DCLK1: variants seen among roughly 807,000 people sequenced by gnomAD.
DCLK1 encodes the protein serine/threonine-protein kinase DCLK1.
In DCLK1, 16 loss-of-function variants were observed where a neutral mutation model predicts 86.2. The ratio of observed to expected loss-of-function variants is 0.19; its 90% CI spans 0.13 to 0.28. DCLK1 has a LOEUF of 0.28. Among genes scored for constraint, DCLK1 ranks in the 10% least tolerant of loss-of-function variants. DCLK1 has a pLI of 1.00. For missense variants in DCLK1, 590 were observed against 940.2 expected (o/e 0.63, Z 4.87); for synonymous variants, 369 against 370.5 (o/e 1.00, Z 0.05).
chr13:35,788,655 A>T (rs775391303), intron 16 of DCLK1, among the ~76,000 whole-genome samples: 13 of 152,228 alleles, frequency 8.5e-5, no homozygotes, highest in Non-Finnish European at 1.5e-4. Flanking sequence ...GAGAAAGCAG[A>T]TTGGACCCCA....
intron 4 of DCLK1, among the ~76,000 whole-genome samples, chr13:35,945,585 T>C (rs1346202760): frequency 6.6e-6 from 1 of 152,232 alleles, no homozygotes; most frequent in Non-Finnish European, 1.5e-5. Flanking sequence ...CATTTCAGAA[T>C]GCATCTGGTC....
chr13:35,874,493 C>A (rs1274085393), intron 4 of DCLK1, among the ~76,000 whole-genome samples: 1 of 152,158 alleles, frequency 6.6e-6, no homozygotes, highest in Non-Finnish European at 1.5e-5. Context: ...GTTTTCATAG[C>A]CCAAAGCAAA....
intron 3 of DCLK1, among the ~76,000 whole-genome samples, chr13:36,080,821 T>C (rs567873284): frequency 1.3e-5 from 2 of 152,048 alleles, no homozygotes; most frequent in Non-Finnish European, 2.9e-5. Context: ...TTTACATCAG[T>C]GGTTCTCAAC....
chr13:36,072,349 G>T (rs991348065), intron 3 of DCLK1, among the ~76,000 whole-genome samples: 1 of 152,106 alleles, frequency 6.6e-6, no homozygotes, highest in Non-Finnish European at 1.5e-5. Flanking sequence ...CTTTATACGG[G>T]TGCCCTTTCT....
intron 7 of DCLK1, among the ~76,000 whole-genome samples, chr13:35,837,404 G>A (rs1397937868): frequency 6.6e-6 from 1 of 152,054 alleles, no homozygotes; most frequent in Non-Finnish European, 1.5e-5. Context: ...AGCCATCTAG[G>A]TGGTCTCTAG....
intron 4 of DCLK1, among the ~76,000 whole-genome samples, chr13:35,897,246 A>G (rs190897468): frequency 1.3e-5 from 2 of 152,290 alleles, no homozygotes; most frequent in East Asian, 3.9e-4. Context: ...TTGATCTAAA[A>G]CGATTTGCCT....
At chr13:36,130,922 A>G (rs1218491933) in intron 1 of DCLK1, among the ~76,000 whole-genome samples, 192 bp downstream of exon 1, 1 of 151,892 alleles carries the variant, frequency 6.6e-6, no homozygotes, top group African/African-American at 2.4e-5. Context: ...CCCGCACGCA[A>G]CGCCCCCGGG....
intron 9 of DCLK1, 85 bp from the exon 10 acceptor site, chr13:35,827,839 G>C (rs922329397): frequency 1.7e-5 from 25 of 1,499,578 alleles, no homozygotes; most frequent in Non-Finnish European, 2.3e-5. Flanking sequence ...ACTATGTAAG[G>C]GTCAAGAGAG....
At chr13:36,048,872 C>T (rs1342599331) in intron 3 of DCLK1, among the ~76,000 whole-genome samples, 1 of 152,048 alleles carries the variant, frequency 6.6e-6, no homozygotes, top group Admixed American at 6.5e-5. Flanking sequence ...AGCCTCAGGA[C>T]TCCGGATTCT....
chr13:35,805,915 A>C, intron 14 of DCLK1, 136 bp from the exon 15 acceptor site: 1 of 604,570 alleles, frequency 1.7e-6, no homozygotes, highest in Non-Finnish European at 2.6e-6. Flanking sequence ...AACTCCACTT[A>C]CCTGTGGCTA....
intron 4 of DCLK1, among the ~76,000 whole-genome samples, chr13:35,887,672 G>C (rs1873358628): frequency 6.6e-6 from 1 of 151,966 alleles, no homozygotes; most frequent in Non-Finnish European, 1.5e-5. Context: ...CAATTATCTA[G>C]GAACTGATCT....
intron 3 of DCLK1, among the ~76,000 whole-genome samples, chr13:36,025,519 A>G (rs949513447): frequency 6.6e-6 from 1 of 152,222 alleles, no homozygotes; most frequent in Non-Finnish European, 1.5e-5. Context: ...AACGTGGTAT[A>G]TTTATTCAGT....
intron 4 of DCLK1, among the ~76,000 whole-genome samples, chr13:35,916,377 C>T (rs2153125899): frequency 6.6e-6 from 1 of 152,276 alleles, no homozygotes; most frequent in Admixed American, 6.5e-5. Context: ...TCCAGGCAGT[C>T]CCTCTGACCC....
At chr13:35,849,966 A>G in intron 6 of DCLK1, 2 of 963,558 alleles carry the variant, frequency 2.1e-6, no homozygotes, top group Non-Finnish European at 2.5e-6. Context: ...CCATTGGCCA[A>G]GTTCTTCATA....
At chr13:35,799,155 A>C (rs2086869666) in intron 15 of DCLK1, among the ~76,000 whole-genome samples, 1 of 152,246 alleles carries the variant, frequency 6.6e-6, no homozygotes, top group Admixed American at 6.5e-5. Context: ...CCAGGAAGCC[A>C]GTGCAAACCA....
intron 6 of DCLK1, chr13:35,847,409 C>T: frequency 3.0e-6 from 3 of 985,074 alleles, no homozygotes; most frequent in Non-Finnish European, 3.6e-6. Flanking sequence ...GGTTTATACA[C>T]ATACACAGAT....
intron 16 of DCLK1, among the ~76,000 whole-genome samples, chr13:35,792,109 T>A (rs1223129984): frequency 6.6e-6 from 1 of 152,214 alleles, no homozygotes; most frequent in Non-Finnish European, 1.5e-5. Context: ...AAGAACAACT[T>A]GAAATTTTAA....
intron 3 of DCLK1, among the ~76,000 whole-genome samples, chr13:36,006,435 T>TGATA (rs889059507): frequency 1.3e-5 from 2 of 152,240 alleles, no homozygotes; most frequent in Non-Finnish European, 2.9e-5. Context: ...GCATGAAACC[T>TGATA]GATACACTGT....
chr13:35,967,345 G>A (rs1416846330), intron 3 of DCLK1, among the ~76,000 whole-genome samples: 4 of 152,220 alleles, frequency 2.6e-5, no homozygotes, highest in Non-Finnish European at 5.9e-5. Flanking sequence ...AGCTCATTGA[G>A]AACAGGCCAT....
Sources: allele counts gnomAD v4.1 joint callset (sites outside exome capture counted in the v4.1 genomes callset), GRCh38; gene constraint gnomAD v4.1.1; transcripts MANE v1.5; gene names NCBI Gene and HGNC (gene_info 2026-07-23, HGNC 2026-07-21).